The following JAM3 variants were observed in gnomAD, a reference collection of about 807,000 sequenced individuals.
The protein encoded by JAM3 is junctional adhesion molecule C.
Under a neutral mutation model 39.4 loss-of-function variants are expected in JAM3, and 31 were observed. That is an observed-to-expected ratio of 0.79 (90% CI 0.59 to 1.06). The LOEUF is 1.06. Ranked by LOEUF, JAM3 falls within the 50% of genes least tolerant of loss-of-function variation. The pLI is 0.00. For synonymous variants in JAM3, 182 were observed against 148.7 expected, an observed-to-expected ratio of 1.22 and a Z score of -1.63; for missense variants, 455 against 391.4, an observed-to-expected ratio of 1.16 and a Z score of -1.37.
chr11:134,118,731 C>G (rs1005627078), intron 1 of JAM3, among the ~76,000 whole-genome samples: 2 of 152,154 alleles, frequency 1.3e-5, no homozygotes, highest in East Asian at 1.9e-4. Flanking sequence ...CAGCCATTCC[C>G]TTTCTCTTTT....
At chr11:134,103,705 G>T (rs1049702218) in intron 1 of JAM3, among the ~76,000 whole-genome samples, 31 of 152,094 alleles carry the variant, frequency 2.0e-4, no homozygotes, top group Non-Finnish European at 4.4e-4. Flanking sequence ...AAAGGCAGGG[G>T]TTGCAATCCT....
chr11:134,125,448 G>T (rs1206759536), intron 1 of JAM3, among the ~76,000 whole-genome samples: 1 of 152,128 alleles, frequency 6.6e-6, no homozygotes, highest in East Asian at 1.9e-4. Context: ...TTTATTTGTT[G>T]CTTTCTTTTT....
chr11:134,132,847 A>T (rs1397046082), intron 1 of JAM3, among the ~76,000 whole-genome samples: 1 of 152,154 alleles, frequency 6.6e-6, no homozygotes, highest in Non-Finnish European at 1.5e-5. Flanking sequence ...ACTTGTTGGC[A>T]CTGAGCCTCC....
Position 134,148,687 on chromosome 11 carries a change from C to G in JAM3, c.842+11C>G. On this transcript the variant is annotated intron_variant, in intron 7 of 8. Coordinates refer to ENST00000299106, the MANE Select transcript of JAM3 (RefSeq NM_032801.5). ...ACAGGATGGAGAAAGGTGAGCCTGCCTTATGTGAAAAAAGGGAAGTTCAAG... is the reference window on the plus strand; with the variant it reads ...ACAGGATGGAGAAAGGTGAGCCTGCGTTATGTGAAAAAAGGGAAGTTCAAG... 3 of 1,614,008 alleles carry G rather than the reference C, an allele frequency of 1.9e-6. No individual in the cohort carries two copies. Among genetic ancestry groups the G allele is most frequent in the Non-Finnish European group, 2.5e-6 (3 of 1,180,020 alleles).
At chr11:134,097,630 G>A (rs948315171) in intron 1 of JAM3, among the ~76,000 whole-genome samples, 2 of 152,120 alleles carry the variant, frequency 1.3e-5, no homozygotes. Context: ...ATAGGGAATG[G>A]AAAATTCAAG....
intron 1 of JAM3, among the ~76,000 whole-genome samples, chr11:134,096,657 A>G (rs1406281030): frequency 2.0e-5 from 3 of 152,138 alleles, no homozygotes. Flanking sequence ...CTAGTTCTGC[A>G]TTTTCCCTTC....
intron 1 of JAM3, among the ~76,000 whole-genome samples, chr11:134,127,998 C>G (rs1237633070): frequency 6.6e-6 from 1 of 152,032 alleles, no homozygotes. Context: ...ATATTGACCC[C>G]CACTATGAAT....
intron 6 of JAM3, among the ~76,000 whole-genome samples, chr11:134,147,580 G>A (rs573212601): frequency 4.0e-5 from 6 of 150,988 alleles, no homozygotes; most frequent in African/African-American, 1.5e-4. Context: ...TCCGCCTCCC[G>A]GGTTCACACC....
chr11:134,102,058 AATT>A (rs773146820), intron 1 of JAM3, among the ~76,000 whole-genome samples: 3 of 152,162 alleles, frequency 2.0e-5, no homozygotes, highest in Non-Finnish European at 4.4e-5. Context: ...TGTCTGTAAA[AATT>A]ATAGTAACCT....
At chr11:134,112,244 G>A (rs78637865) in intron 1 of JAM3, among the ~76,000 whole-genome samples, 2,043 of 152,060 alleles carry the variant, frequency 0.013, 101 homozygotes, top group East Asian at 0.13. Flanking sequence ...GCACCACCAC[G>A]CCCAGCTCAT....
Position 134,142,884 on chromosome 11 carries a change from A to G in JAM3, c.257-1357A>G, listed in dbSNP as rs555680165. ...CTTCCATGGCTGACGTCTTTCACTCAGCATCCTGTTTTCAAGGTTCATCTG... is the reference window on the plus strand; with the variant it reads ...CTTCCATGGCTGACGTCTTTCACTCGGCATCCTGTTTTCAAGGTTCATCTG... On this transcript the variant is annotated intron_variant, in intron 3 of 8. Transcript: ENST00000299106. Among the ~76,000 whole-genome samples the G allele has an allele frequency of 3.3e-5, 5 of 152,290 alleles. No individual in the cohort carries two copies. In the South Asian group the frequency reaches 1.0e-3, roughly 32 times the overall value.
At chr11:134,125,376 A>G (rs957015602) in intron 1 of JAM3, among the ~76,000 whole-genome samples, 1 of 152,106 alleles carries the variant, frequency 6.6e-6, no homozygotes, top group Admixed American at 6.5e-5. Context: ...AAACAATGGG[A>G]TCTCCTTTTA....
At chr11:134,125,669 C>A (rs1308330874) in intron 1 of JAM3, among the ~76,000 whole-genome samples, 1 of 152,146 alleles carries the variant, frequency 6.6e-6, no homozygotes, top group Non-Finnish European at 1.5e-5. Context: ...GTGTTGAGAA[C>A]GTGCTGTGAG....
At chr11:134,116,129 CT>C (rs1942428062) in intron 1 of JAM3, among the ~76,000 whole-genome samples, 1 of 152,106 alleles carries the variant, frequency 6.6e-6, no homozygotes, top group African/African-American at 2.4e-5. Context: ...GGAAATTAAG[CT>C]TCACTTCCTG....
At chr11:134,094,208 A>C (rs1374616717) in intron 1 of JAM3, among the ~76,000 whole-genome samples, 3 of 130,284 alleles carry the variant, frequency 2.3e-5, no homozygotes, top group Non-Finnish European at 4.9e-5. Flanking sequence ...TCCACCTTAC[A>C]TGTCACTTCC....
intron 2 of JAM3, among the ~76,000 whole-genome samples, 191 bp from the exon 3 acceptor site, chr11:134,140,466 A>G (rs1942953953): frequency 6.6e-6 from 1 of 152,102 alleles, no homozygotes; most frequent in South Asian, 2.1e-4. Context: ...TATGTAGTAA[A>G]ATCCTTGCTA....
chr11:134,122,726 C>T (rs1942560328), intron 1 of JAM3, among the ~76,000 whole-genome samples: 1 of 152,232 alleles, frequency 6.6e-6, no homozygotes, highest in South Asian at 2.1e-4. Flanking sequence ...ACACCACAAG[C>T]ATTTCTCAAG....
At chr11:134,082,741 G>T (rs1941687582) in intron 1 of JAM3, among the ~76,000 whole-genome samples, 1 of 152,070 alleles carries the variant, frequency 6.6e-6, no homozygotes, top group Admixed American at 6.6e-5. Flanking sequence ...CACGAAAATG[G>T]ACTAATACAA....
chr11:134,111,836 A>T (rs2120731255), intron 1 of JAM3, among the ~76,000 whole-genome samples: 1 of 152,322 alleles, frequency 6.6e-6, no homozygotes, highest in South Asian at 2.1e-4. Flanking sequence ...CAGCTTCTGT[A>T]GATCCATAAA....
Sources: allele counts gnomAD v4.1 joint callset (sites outside exome capture counted in the v4.1 genomes callset), GRCh38; gene constraint gnomAD v4.1.1; transcripts MANE v1.5; gene names NCBI Gene and HGNC (gene_info 2026-07-23, HGNC 2026-07-21).